The following XKR4 variants were observed in gnomAD, a reference collection of about 807,000 sequenced individuals.
XKR4 encodes XK-related protein 4.
XKR4 carries 12 observed loss-of-function variants against 53.9 expected under a neutral mutation model. That is an observed-to-expected ratio of 0.22 (90% CI 0.14 to 0.36). XKR4 has a LOEUF of 0.36. Among genes scored for constraint, XKR4 ranks in the 10% least tolerant of loss-of-function variants. The pLI is 1.00. For synonymous variants in XKR4, 354 were observed against 362.4 expected, an observed-to-expected ratio of 0.98 and a Z score of 0.26; for missense variants, 799 against 859.5, an observed-to-expected ratio of 0.93 and a Z score of 0.88.
At chr8:55,262,927 A>C (rs933249877) in intron 1 of XKR4, among the ~76,000 whole-genome samples, 10 of 152,264 alleles carry the variant, frequency 6.6e-5, no homozygotes, top group Admixed American at 2.0e-4. Context: ...AATGTGGTGA[A>C]ATCTTTTCCT....
At chr8:55,148,595 AT>A (rs1205740638) in intron 1 of XKR4, among the ~76,000 whole-genome samples, 3 of 152,180 alleles carry the variant, frequency 2.0e-5, no homozygotes, top group Non-Finnish European at 4.4e-5. Context: ...AGCATGAGGT[AT>A]TTAAATTCTG....
At chr8:55,279,847 G>A (rs943491232) in intron 1 of XKR4, among the ~76,000 whole-genome samples, 13 of 152,286 alleles carry the variant, frequency 8.5e-5, no homozygotes, top group Admixed American at 8.5e-4. Context: ...AGGTATGAGT[G>A]CAATAGATGT....
At chr8:55,356,394 T>C (rs547275336) in intron 1 of XKR4, among the ~76,000 whole-genome samples, 1 of 152,210 alleles carries the variant, frequency 6.6e-6, no homozygotes, top group Non-Finnish European at 1.5e-5. Flanking sequence ...AATACAATCA[T>C]TAAAATCAAG....
chr8:55,340,861 G>T (rs140445313), intron 1 of XKR4, among the ~76,000 whole-genome samples: 1 of 152,284 alleles, frequency 6.6e-6, no homozygotes, highest in African/African-American at 2.4e-5. Context: ...GGACATGAAG[G>T]ACCAGGGAGA....
intron 1 of XKR4, among the ~76,000 whole-genome samples, chr8:55,215,235 C>A (rs945278902): frequency 8.5e-5 from 13 of 152,220 alleles, no homozygotes; most frequent in African/African-American, 3.1e-4. Flanking sequence ...GAGGTCATAA[C>A]TTGCCCAAAC....
chr8:55,330,849 A>C (rs1803373427), intron 1 of XKR4, among the ~76,000 whole-genome samples: 1 of 152,174 alleles, frequency 6.6e-6, no homozygotes, highest in Non-Finnish European at 1.5e-5. Context: ...AAAGGACTGC[A>C]GTATTGGCTC....
intron 2 of XKR4, among the ~76,000 whole-genome samples, chr8:55,516,886 A>C (rs1471697738): frequency 6.6e-6 from 1 of 152,176 alleles, no homozygotes; most frequent in Non-Finnish European, 1.5e-5. Context: ...TGTCCATCAA[A>C]GGAGGATTGG....
Position 55,524,308 on chromosome 8 carries a change from G to A in XKR4, c.*81G>A, listed in dbSNP as rs565224060. On this transcript the variant is annotated 3_prime_UTR_variant, in exon 3 of 3. Coordinates refer to ENST00000327381, the MANE Select transcript of XKR4 (RefSeq NM_052898.2). ...GTGGCCATAATGACACTTCATCCTA[G>A]AGCAGGGCAGTGAGCCGTGAAGTTC... 2.2e-6 allele frequency: 3 copies of A among 1,374,614 alleles called. No homozygotes were observed. In the South Asian group the frequency reaches 4.1e-5, roughly 19 times the overall value. 85.2% of individuals were successfully genotyped at this position (1,374,614 alleles called of 1,614,324 possible).
intron 2 of XKR4, among the ~76,000 whole-genome samples, chr8:55,498,384 C>A (rs1203738767): frequency 6.6e-6 from 1 of 152,196 alleles, no homozygotes; most frequent in Non-Finnish European, 1.5e-5. Flanking sequence ...GGCACCTCTG[C>A]TTGGCCCGTG....
intron 1 of XKR4, among the ~76,000 whole-genome samples, chr8:55,152,629 C>A (rs1296920573): frequency 6.6e-6 from 1 of 151,770 alleles, no homozygotes; most frequent in African/African-American, 2.4e-5. Context: ...CAATGGTACT[C>A]ATCCAAACAA....
chr8:55,273,762 G>A (rs1208136396), intron 1 of XKR4, among the ~76,000 whole-genome samples: 2 of 152,088 alleles, frequency 1.3e-5, no homozygotes, highest in Admixed American at 6.5e-5. Context: ...CCTTAAAAAC[G>A]CTGCCCCTCA....
intron 1 of XKR4, among the ~76,000 whole-genome samples, chr8:55,266,109 G>A (rs943701245): frequency 6.6e-6 from 1 of 152,088 alleles, no homozygotes; most frequent in Non-Finnish European, 1.5e-5. Flanking sequence ...AGTGAGCTAT[G>A]ATTGTGTCAC....
At chr8:55,458,680 G>A (rs780499641) in intron 2 of XKR4, among the ~76,000 whole-genome samples, 14 of 152,188 alleles carry the variant, frequency 9.2e-5, no homozygotes, top group South Asian at 2.1e-4. Context: ...GCGTTCAGCC[G>A]GGAATGTCCC....
At chr8:55,443,087 T>C (rs919538235) in intron 2 of XKR4, among the ~76,000 whole-genome samples, 1 of 152,198 alleles carries the variant, frequency 6.6e-6, no homozygotes, top group African/African-American at 2.4e-5. Flanking sequence ...TTAACAGACT[T>C]TTTATAGGTA....
chr8:55,414,634 C>T (rs1460998018), intron 2 of XKR4, among the ~76,000 whole-genome samples: 2 of 151,740 alleles, frequency 1.3e-5, no homozygotes, highest in Non-Finnish European at 2.9e-5. Context: ...AAGGAAAGGA[C>T]ATTTCACAAG....
chr8:55,301,728 G>T (rs1563319381), intron 1 of XKR4, among the ~76,000 whole-genome samples: 3 of 152,134 alleles, frequency 2.0e-5, no homozygotes, highest in Admixed American at 1.3e-4. Flanking sequence ...GTTTTGATTT[G>T]CATTTCTCTG....
At chr8:55,414,861 AGG>A (rs943162955) in intron 2 of XKR4, among the ~76,000 whole-genome samples, 12 of 152,200 alleles carry the variant, frequency 7.9e-5, no homozygotes, top group African/African-American at 2.9e-4. Context: ...TCTATTATTA[AGG>A]AATAATAATT....
rs544352089 is a variant in XKR4 at position 55,454,545 on chromosome 8, G to A, written c.1007-68736G>A. 7.4e-5 allele frequency: 105 copies of A among 1,427,396 alleles called. 1 individual carries two copies. Among genetic ancestry groups the A allele is most frequent in the South Asian group, 4.9e-4 (40 of 81,188 alleles). 88.4% of individuals were successfully genotyped at this position (1,427,396 alleles called of 1,614,324 possible). ...CGGAAGAGCAGGCCACGCTGCAGCT[G>A]CTGATGGGCAGGGAGTCGGCCAGTG... On this transcript the variant is annotated intron_variant, in intron 2 of 2. Coordinates refer to ENST00000327381, the MANE Select transcript of XKR4 (RefSeq NM_052898.2).
intron 2 of XKR4, among the ~76,000 whole-genome samples, chr8:55,513,422 G>A (rs532951845): frequency 6.6e-6 from 1 of 152,188 alleles, no homozygotes; most frequent in Non-Finnish European, 1.5e-5. Context: ...GCATGGTCAG[G>A]GGTGAGGCTG....
Sources: gnomAD v4.1 joint callset for allele counts (sites outside exome capture counted in the v4.1 genomes callset) on GRCh38, gnomAD v4.1.1 for gene constraint, MANE v1.5 for transcripts, NCBI Gene and HGNC (gene_info 2026-07-23, HGNC 2026-07-21) for gene names.